The following TBXAS1 variants were observed in gnomAD, a reference collection of about 807,000 sequenced individuals.
TBXAS1 encodes thromboxane-A synthase.
Under a neutral mutation model 60.7 loss-of-function variants are expected in TBXAS1, and 48 were observed. The observed-to-expected ratio is 0.79, with a 90% CI of 0.63 to 1.01. TBXAS1 has a LOEUF of 1.01. TBXAS1 is among the 50% of genes least tolerant of loss of function. The pLI, the probability that TBXAS1 is intolerant of heterozygous loss-of-function variation, is 0.00. For missense variants in TBXAS1, 685 were observed against 686.3 expected, an observed-to-expected ratio of 1.00 and a Z score of 0.02; for synonymous variants, 287 against 269.7, an observed-to-expected ratio of 1.06 and a Z score of -0.63.
upstream of TBXAS1, among the ~76,000 whole-genome samples, chr7:139,824,565 C>T (rs62490063): frequency 0.022 from 3,290 of 152,230 alleles, 56 homozygotes; most frequent in Non-Finnish European, 0.037. Flanking sequence ...AAGCAGCAAA[C>T]GGCGTTATGT....
intron 8 of TBXAS1, among the ~76,000 whole-genome samples, chr7:139,959,731 C>A (rs1461860984): frequency 1.3e-5 from 2 of 152,176 alleles, no homozygotes; most frequent in African/African-American, 2.4e-5. Flanking sequence ...CCCATCATTA[C>A]TCCTACACTA....
At chr7:139,931,765 G>A (rs375295858) in intron 4 of TBXAS1, among the ~76,000 whole-genome samples, 17 of 152,250 alleles carry the variant, frequency 1.1e-4, no homozygotes, top group African/African-American at 2.9e-4. Context: ...TTCAAGATGA[G>A]ATGTGGGTGG....
intron 4 of TBXAS1, among the ~76,000 whole-genome samples, chr7:139,799,071 A>G (rs1295041858): frequency 1.7e-5 from 2 of 120,978 alleles, no homozygotes; most frequent in Non-Finnish European, 3.3e-5. Flanking sequence ...ACTTCCATAC[A>G]CTGCTTTTTT....
In TBXAS1 at chr7:139,899,246, C is replaced by T. The variant is rs1804379602; in HGVS notation, c.237-11979C>T. ...GCTCCCCATACTATTTTACAATGTG[C>T]TTTTCCATTTGGCTGGGTCATTTGG... is the stretch of plus-strand genomic sequence containing the variant. On this transcript the variant is annotated intron_variant, in intron 3 of 12. Transcript: ENST00000448866. Among the ~76,000 whole-genome samples the T allele has an allele frequency of 2.6e-5, 4 of 152,234 alleles. No individual in the cohort carries two copies. In the South Asian group the frequency reaches 6.2e-4, roughly 24 times the overall value.
intron 9 of TBXAS1, among the ~76,000 whole-genome samples, chr7:139,984,555 T>C (rs1264105040): frequency 2.7e-5 from 4 of 149,720 alleles, no homozygotes; most frequent in Admixed American, 2.0e-4. Flanking sequence ...CTTTTTGATG[T>C]CCCATTTCCC....
chr7:139,879,875 TG>T (rs1802560191), intron 3 of TBXAS1, among the ~76,000 whole-genome samples: 4 of 148,184 alleles, frequency 2.7e-5, no homozygotes, highest in Admixed American at 1.3e-4. Context: ...TGTGTGTGTG[TG>T]TGTTTTGTTT....
Position 139,778,908 on chromosome 7 carries a change from G to T in TBXAS1, c.-318+437G>T, listed in dbSNP as rs889355243. 1.3e-5 allele frequency among the ~76,000 whole-genome samples: 2 copies of T among 152,122 alleles called. No individual in the cohort carries two copies. Among genetic ancestry groups the T allele is most frequent in the Non-Finnish European group, 2.9e-5 (2 of 68,034 alleles). On this transcript the variant is annotated intron_variant, in intron 1 of 16. Coordinates refer to the TBXAS1 transcript ENST00000336425. The surrounding 1 kb of genome is among the most constrained non-coding windows in gnomAD (Gnocchi z 4.8). ...GAAGACTTGTTGAGTCTCCTCTTAG[G>T]CACTGTTTTTAAAACTGTGGGTCGT... is the stretch of plus-strand genomic sequence containing the variant.
intron 9 of TBXAS1, among the ~76,000 whole-genome samples, chr7:140,003,204 C>T (rs1003282198): frequency 4.0e-5 from 6 of 151,300 alleles, no homozygotes; most frequent in Non-Finnish European, 8.8e-5. Flanking sequence ...TCTTTACATA[C>T]GTATCTTTTT....
intron 9 of TBXAS1, among the ~76,000 whole-genome samples, chr7:139,992,445 A>T (rs561934341): frequency 6.6e-6 from 1 of 152,332 alleles, no homozygotes; most frequent in South Asian, 2.1e-4. Context: ...AAAGGCCCAC[A>T]CTAGCGGGGA....
At chr7:139,976,697 C>T (rs1348685778) in intron 9 of TBXAS1, among the ~76,000 whole-genome samples, 1 of 152,098 alleles carries the variant, frequency 6.6e-6, no homozygotes, top group African/African-American at 2.4e-5. Flanking sequence ...CCTGGAGATT[C>T]GATTTAGTGG....
upstream of TBXAS1, among the ~76,000 whole-genome samples, chr7:139,827,263 G>T (rs1051637150): frequency 2.0e-5 from 3 of 152,184 alleles, no homozygotes; most frequent in East Asian, 5.8e-4. Context: ...GCACAGAAAA[G>T]GAAGCCCATA....
At chr7:139,786,352 A>G (rs1797197332) in intron 3 of TBXAS1, among the ~76,000 whole-genome samples, 9 of 152,126 alleles carry the variant, frequency 5.9e-5, no homozygotes, top group Admixed American at 5.9e-4. Context: ...TACTGAATCC[A>G]TGAGAAAGGG....
At chr7:139,813,348 T>G (rs1268746200) in intron 4 of TBXAS1, among the ~76,000 whole-genome samples, 1 of 152,118 alleles carries the variant, frequency 6.6e-6, no homozygotes, top group Non-Finnish European at 1.5e-5. Flanking sequence ...ATCACTTCCT[T>G]TAGTGTAACT....
chr7:139,914,786 G>A (rs1186544533), intron 4 of TBXAS1, among the ~76,000 whole-genome samples: 1 of 152,166 alleles, frequency 6.6e-6, no homozygotes, highest in Non-Finnish European at 1.5e-5. Flanking sequence ...AGTATTTACA[G>A]TGAAGGAGGA....
intron 10 of TBXAS1, among the ~76,000 whole-genome samples, chr7:140,012,468 T>G (rs1025067065): frequency 6.6e-5 from 10 of 151,898 alleles, no homozygotes; most frequent in African/African-American, 2.4e-4. Context: ...AGAACTTTTT[T>G]TTTTTTTTTT....
rs1305511442 is a variant in TBXAS1 at position 139,872,099 on chromosome 7, G to T, written c.90-136G>T. ...TCAACTCTAGGCCTCCAATTTTTTG[G>T]TTCTTAGATGTGGTGACTGGAAACC... On this transcript the variant is annotated intron_variant, in intron 1 of 12. Coordinates refer to ENST00000448866, the MANE Select transcript of TBXAS1 (RefSeq NM_001061.7). 4.8e-6 allele frequency: 4 copies of T among 829,992 alleles called. No homozygotes were observed. In the Admixed American group the frequency reaches 6.4e-5, roughly 13 times the overall value. The allele number at this position is 829,992 out of a possible 1,614,324, so 51.4% of individuals were successfully genotyped here.
chr7:139,964,369 G>A (rs1438354866), intron 9 of TBXAS1, among the ~76,000 whole-genome samples: 3 of 152,190 alleles, frequency 2.0e-5, no homozygotes, highest in African/African-American at 4.8e-5. Flanking sequence ...ACAGGCGTAA[G>A]CCACCACGAT....
At chr7:139,838,527 T>C (rs1799215235) in intron 1 of TBXAS1, among the ~76,000 whole-genome samples, 1 of 152,242 alleles carries the variant, frequency 6.6e-6, no homozygotes, top group Admixed American at 6.5e-5. Context: ...CAATTTGCCA[T>C]GCACTGTTCC....
chr7:139,870,314 C>T (rs1398874024), intron 1 of TBXAS1, among the ~76,000 whole-genome samples: 1 of 152,142 alleles, frequency 6.6e-6, no homozygotes, highest in Non-Finnish European at 1.5e-5. Context: ...CATCTAATTA[C>T]AAAATTAAGA....
Sources: allele counts gnomAD v4.1 joint callset (sites outside exome capture counted in the v4.1 genomes callset), GRCh38; gene constraint gnomAD v4.1.1; non-coding constraint Gnocchi (gnomAD v3.1); transcripts MANE v1.5; gene names NCBI Gene and HGNC (gene_info 2026-07-23, HGNC 2026-07-21).